Variants in RAD54L2 observed in about 807,000 individuals in gnomAD.
The protein encoded by RAD54L2 is helicase ARIP4.
In RAD54L2, 27 loss-of-function variants were observed where a neutral mutation model predicts 138.4. The ratio of observed to expected loss-of-function variants is 0.20; its 90% CI spans 0.14 to 0.27. RAD54L2 has a LOEUF of 0.27. RAD54L2 is among the 10% of genes least tolerant of loss of function. The pLI is 1.00. For missense variants in RAD54L2, 1,396 were observed against 1,890.2 expected, an observed-to-expected ratio of 0.74 and a Z score of 4.85; for synonymous variants, 644 against 723.2, an observed-to-expected ratio of 0.89 and a Z score of 1.76.
intron 3 of RAD54L2, among the ~76,000 whole-genome samples, chr3:51,620,521 G>A (rs1700547908): frequency 6.6e-6 from 1 of 150,950 alleles, no homozygotes; most frequent in African/African-American, 2.4e-5. Flanking sequence ...TATACAATAG[G>A]AGAGAGAAGA....
Position 51,630,307 on chromosome 3 carries a change from C to T in RAD54L2, c.517C>T (p.Leu173=). Residue 173 remains leucine (L), a synonymous_variant, in exon 6 of 23, where the codon CTG becomes TTG. Transcript: ENST00000684192. ...TTTAAGGGCAAGTGACGGTCCCCAA[C>T]TGCCTCCTCGGGTCTTGGCCCAGGA... ...IALRASDGPQ[L]PPRVLAQEVI... is the part of the protein sequence containing the mutation. The T allele has an allele frequency of 1.2e-6, 2 of 1,614,064 alleles. No homozygotes were observed. Among genetic ancestry groups the T allele is most frequent in the Non-Finnish European group, 1.7e-6 (2 of 1,179,892 alleles).
At chr3:51,598,177 G>GTGTGTGTA (rs374594036) in intron 3 of RAD54L2, among the ~76,000 whole-genome samples, 1 of 135,256 alleles carries the variant, frequency 7.4e-6, no homozygotes, top group Non-Finnish European at 1.6e-5. Flanking sequence ...GTGTGTGTGT[G>GTGTGTGTA]TATATATATA....
intron 3 of RAD54L2, among the ~76,000 whole-genome samples, chr3:51,606,783 C>T (rs1411948825): frequency 2.6e-5 from 4 of 151,656 alleles, no homozygotes; most frequent in Admixed American, 6.6e-5. Context: ...CCCGGGTTCA[C>T]GCTATTCTCT....
intron 2 of RAD54L2, among the ~76,000 whole-genome samples, chr3:51,566,142 T>C (rs1167147780): frequency 6.6e-6 from 1 of 152,240 alleles, no homozygotes; most frequent in Non-Finnish European, 1.5e-5. Flanking sequence ...GCTCCCTTTA[T>C]GTCTAGTAGT....
intron 19 of RAD54L2, among the ~76,000 whole-genome samples, chr3:51,654,250 T>C (rs1168874435): frequency 2.0e-5 from 3 of 152,182 alleles, no homozygotes; most frequent in East Asian, 1.9e-4. Context: ...TGTTTCACCA[T>C]GTTGGCCAGG....
At chr3:51,605,744 G>A (rs754127725) in intron 3 of RAD54L2, among the ~76,000 whole-genome samples, 4 of 152,110 alleles carry the variant, frequency 2.6e-5, no homozygotes, top group Admixed American at 6.6e-5. Context: ...GGGTCACTGC[G>A]CCCAGCCTGA....
intron 21 of RAD54L2, among the ~76,000 whole-genome samples, chr3:51,658,200 G>A (rs1282435661): frequency 1.2e-4 from 18 of 151,986 alleles, no homozygotes; most frequent in Admixed American, 1.3e-4. Flanking sequence ...CCAACGTGCC[G>A]GGATTACAGG....
At chr3:51,574,505 C>G (rs1699418380) in intron 2 of RAD54L2, among the ~76,000 whole-genome samples, 1 of 152,166 alleles carries the variant, frequency 6.6e-6, no homozygotes, top group Admixed American at 6.6e-5. Flanking sequence ...TCTCCAGCAC[C>G]TGTTGTTTCC....
At chr3:51,648,785 C>T (rs558171967) in intron 19 of RAD54L2, among the ~76,000 whole-genome samples, 3 of 152,274 alleles carry the variant, frequency 2.0e-5, no homozygotes, top group South Asian at 4.1e-4. Context: ...AACACCAAAA[C>T]CCCATCTGTA....
At chr3:51,631,507 AT>A (rs1163836924) in intron 7 of RAD54L2, among the ~76,000 whole-genome samples, 190 of 133,940 alleles carry the variant, frequency 1.4e-3, no homozygotes, top group Admixed American at 2.0e-3. Context: ...CACCCAGCCA[AT>A]TTTTTTTTTT....
intron 19 of RAD54L2, among the ~76,000 whole-genome samples, chr3:51,651,264 C>T (rs1046358467): frequency 6.6e-6 from 1 of 152,066 alleles, no homozygotes. Flanking sequence ...AATAGACCAA[C>T]AACAGGCTCT....
intron 2 of RAD54L2, among the ~76,000 whole-genome samples, chr3:51,556,254 T>C (rs1698960937): frequency 2.6e-5 from 4 of 152,130 alleles, no homozygotes. Context: ...TTTACTGCCA[T>C]TTCCTTACCA....
At chr3:51,600,972 CAA>C (rs1700067643) in intron 3 of RAD54L2, among the ~76,000 whole-genome samples, 1 of 151,396 alleles carries the variant, frequency 6.6e-6, no homozygotes, top group Non-Finnish European at 1.5e-5. Flanking sequence ...CTCAAAAAAA[CAA>C]AAACAAAAAC....
intron 19 of RAD54L2, among the ~76,000 whole-genome samples, chr3:51,649,540 C>A (rs911758204): frequency 6.6e-6 from 1 of 152,126 alleles, no homozygotes; most frequent in Admixed American, 6.6e-5. Flanking sequence ...TTAAGGGCAG[C>A]CAGAGAGAAA....
At chr3:51,657,705 G>T in intron 21 of RAD54L2, 36 bp downstream of exon 21, 1 of 1,398,710 alleles carries the variant, frequency 7.1e-7, no homozygotes, top group South Asian at 1.2e-5. Flanking sequence ...CCCTGCCTTT[G>T]GTTGAGAGTG....
chr3:51,645,098 A>G lies in RAD54L2; in HGVS notation c.2525A>G (p.His842Arg). ...TTTGATGCTTCCTGGAACCCTTGCC[A>G]TGATGCCCAGGCAGTATGTCGGGTA... Reference protein sequence around the residue: ...VVFDASWNPCHDAQAVCRVYR... With the variant: ...VVFDASWNPCRDAQAVCRVYR... The change falls in exon 17 of 23, where the codon CAT becomes CGT. Residue 842 changes from histidine (H) to arginine (R), a missense_variant. By Grantham distance (29) the His-to-Arg change is conservative. This residue lies in a region of RAD54L2 where 78 missense variants were observed against 171.6 expected (regional missense o/e 0.45). Transcript: ENST00000684192. The surrounding 1 kb of genome is among the most constrained non-coding windows in gnomAD (Gnocchi z 6.1). The G allele has an allele frequency of 6.2e-7, 1 of 1,614,012 alleles. No individual in the cohort carries two copies. The highest frequency in any genetic ancestry group is 8.5e-7 in the Non-Finnish European group (1 of 1,179,900).
Position 51,639,966 on chromosome 3 carries a change from G to A in RAD54L2, c.2198G>A (p.Ser733Asn), listed in dbSNP as rs377743769. 2 of 1,610,602 alleles carry A rather than the reference G, an allele frequency of 1.2e-6. No homozygotes were observed. Among genetic ancestry groups the A allele is most frequent in the Non-Finnish European group, 1.7e-6 (2 of 1,177,304 alleles). Residue 733 changes from serine to asparagine, a missense_variant, in exon 14 of 23, where the codon AGT (serine) becomes AAT (asparagine). Ser to Asn is a conservative substitution (Grantham distance 46). Coordinates refer to ENST00000684192, the MANE Select transcript of RAD54L2 (RefSeq NM_015106.4). ...MVLLFHLIEE[S>N]VKLGDKILVF... ...CTGCTTTTCCACCTGATTGAGGAAA[G>A]TGTGAAGCTTGGGGACAAGATCCTT...
intron 4 of RAD54L2, among the ~76,000 whole-genome samples, chr3:51,628,492 C>T (rs1299741513): frequency 2.0e-5 from 3 of 151,906 alleles, no homozygotes; most frequent in Non-Finnish European, 2.9e-5. Context: ...CGTGTTCTAG[C>T]GGTTCTTGTG....
intron 3 of RAD54L2, among the ~76,000 whole-genome samples, chr3:51,611,958 C>T (rs1700342917): frequency 6.6e-6 from 1 of 152,096 alleles, no homozygotes. Flanking sequence ...AGTTTCCCAT[C>T]CTTAATGTGT....
Sources: gnomAD v4.1 joint callset for allele counts (sites outside exome capture counted in the v4.1 genomes callset) on GRCh38, gnomAD v4.1.1 for gene constraint, gnomAD v4.1.1 regional missense constraint, Gnocchi (gnomAD v3.1) non-coding constraint, MANE v1.5 for transcripts, NCBI Gene and HGNC (gene_info 2026-07-23, HGNC 2026-07-21) for gene names.